The following ADRA1D variants were observed in gnomAD, a reference collection of about 807,000 sequenced individuals.
The protein encoded by ADRA1D is adrenoceptor alpha 1D.
In ADRA1D, 22 loss-of-function variants were observed where a neutral mutation model predicts 18.6. The observed-to-expected ratio is 1.19, with a 90% CI of 0.85 to 1.69. ADRA1D has a LOEUF of 1.69. ADRA1D is among the 40% of genes most tolerant of loss of function. The pLI, the probability that ADRA1D is intolerant of heterozygous loss-of-function variation, is 0.00. For missense variants in ADRA1D, 840 were observed against 840.7 expected (o/e 1.00, Z 0.01); for synonymous variants, 376 against 388.2 (o/e 0.97, Z 0.37).
At position 4,248,991 on chromosome 20, in the gene ADRA1D, C is replaced by A. The variant is rs1223915618; in HGVS notation, c.-34G>T. 1 of 1,291,724 alleles carries A rather than the reference C, an allele frequency of 7.7e-7. No individual in the cohort carries two copies. Among genetic ancestry groups the A allele is most frequent in the Admixed American group, 3.3e-5 (1 of 30,396 alleles). 80.0% of individuals were successfully genotyped at this position (1,291,724 alleles called of 1,614,324 possible). The stretch of plus-strand genomic sequence containing the variant: ...GCGGCCGTCGGTGGCCGGGCCGGGG[C>A]ACAGAACGAGCGGCCGGCAGGGAGG... On this transcript the variant is annotated 5_prime_UTR_variant, in exon 1 of 2. Transcript: ENST00000379453.
Position 4,248,078 on chromosome 20 carries a change from G to C in ADRA1D, c.880C>G (p.Arg294Gly). 6.4e-7 allele frequency: 1 copy of C among 1,551,956 alleles called. No individual in the cohort carries two copies. The highest frequency in any genetic ancestry group is 8.7e-7 in the Non-Finnish European group (1 of 1,148,048). The change falls in exon 1 of 2, where the codon CGC (arginine) becomes GGC (glycine). Residue 294 changes from arginine to glycine, a missense_variant. By Grantham distance (125) the Arg-to-Gly change is moderately radical. Coordinates refer to ENST00000379453, the MANE Select transcript of ADRA1D (RefSeq NM_000678.4). ...TTRSLEAGVK[R>G]ERGKASEVVL... ...ACCTCGGAGGCCTTGCCTCGCTCGC[G>C]CTTGACGCCCGCCTCGAGGCTGCGC...
intron 1 of ADRA1D, among the ~76,000 whole-genome samples, chr20:4,232,572 A>ACTCCTG (rs1980996097): frequency 6.6e-6 from 1 of 151,768 alleles, no homozygotes; most frequent in African/African-American, 2.4e-5. Flanking sequence ...ATGACCCCAA[A>ACTCCTG]CTCCTGGGAG....
rs528625319 is a variant in ADRA1D at position 4,229,590 on chromosome 20, C to T, written c.1112-7460G>A. On this transcript the variant is annotated intron_variant, in intron 1 of 1. Coordinates refer to ENST00000379453, the MANE Select transcript of ADRA1D (RefSeq NM_000678.4). ...GGGAGGAACATTCCAGCAGAGGAAA[C>T]GGCAAGTGCAAAGGCCCTGAGGTGG... Among the ~76,000 whole-genome samples the T allele has an allele frequency of 3.9e-5, 6 of 152,104 alleles. No homozygotes were observed. The South Asian group carries it at 8.3e-4, about 21-fold the overall frequency.
intron 1 of ADRA1D, among the ~76,000 whole-genome samples, chr20:4,228,866 C>G (rs1980883371): frequency 6.6e-6 from 1 of 152,210 alleles, no homozygotes; most frequent in African/African-American, 2.4e-5. Context: ...TTGCTGGCTC[C>G]CTGGCCACCA....
rs58687402 is a variant in ADRA1D at position 4,231,267 on chromosome 20, G to GTTATTATTATTATTATTATTA, written c.1112-9158_1112-9138dup. 7.5e-3 allele frequency among the ~76,000 whole-genome samples: 1,048 copies of GTTATTATTATTATTATTATTA among 138,890 alleles called. 9 individuals are homozygous for GTTATTATTATTATTATTATTA. Among genetic ancestry groups the GTTATTATTATTATTATTATTA allele is most frequent in the East Asian group, 0.024 (114 of 4,688 alleles). 91.1% of individuals were successfully genotyped at this position (138,890 alleles called of 152,430 possible). A position where few individuals can be genotyped will look rare whatever the true frequency, so the allele number is the denominator to read the frequency against. On this transcript the variant is annotated intron_variant, in intron 1 of 1. Coordinates refer to ENST00000379453, the MANE Select transcript of ADRA1D (RefSeq NM_000678.4). ...CATGTGCCACTACACCTGGCTAATT[G>GTTATTATTATTATTATTATTA]TTATTATTATTATTATTATTATTAT...
rs1056705411 is a variant in ADRA1D at position 4,248,238 on chromosome 20, G to A, written c.720C>T (p.Pro240=). The change falls in exon 1 of 2, where the codon CCC becomes CCT. Residue 240 remains proline, a synonymous_variant. Transcript: ENST00000379453. ...GPLLGWKEPV[P]PDERFCGITE... is the part of the protein sequence containing the mutation. ...TGATACCGCAGAAGCGCTCGTCAGG[G>A]GGCACGGGCTCCTTCCAGCCCAGCA... The A allele has an allele frequency of 6.2e-7, 1 of 1,604,666 alleles. No homozygotes were observed. The highest frequency in any genetic ancestry group is 8.5e-7 in the Non-Finnish European group (1 of 1,176,032).
intron 1 of ADRA1D, among the ~76,000 whole-genome samples, chr20:4,225,892 G>C (rs1257381097): frequency 6.6e-6 from 1 of 152,154 alleles, no homozygotes; most frequent in Non-Finnish European, 1.5e-5. Context: ...TATTTTCCCC[G>C]GGAGAGAGGT....
At chr20:4,234,236 G>A (rs188549946) in intron 1 of ADRA1D, among the ~76,000 whole-genome samples, 44 of 152,330 alleles carry the variant, frequency 2.9e-4, no homozygotes, top group Admixed American at 2.2e-3. Flanking sequence ...CTAAGGCAGG[G>A]AGGGACATGG....
intron 1 of ADRA1D, among the ~76,000 whole-genome samples, chr20:4,225,668 A>G (rs1282332533): frequency 6.6e-6 from 1 of 151,806 alleles, no homozygotes; most frequent in Non-Finnish European, 1.5e-5. Context: ...CGCCTGCCTC[A>G]GCCTCCCAAA....
intron 1 of ADRA1D, among the ~76,000 whole-genome samples, chr20:4,231,873 C>G (rs961749148): frequency 2.0e-5 from 3 of 152,102 alleles, no homozygotes; most frequent in African/African-American, 7.2e-5. Context: ...TGGCAGCTGC[C>G]CCACCAGCAG....
chr20:4,237,070 TG>T (rs1368391395), intron 1 of ADRA1D, among the ~76,000 whole-genome samples: 1 of 152,050 alleles, frequency 6.6e-6, no homozygotes, highest in African/African-American at 2.4e-5. Flanking sequence ...GACTTGGGGC[TG>T]GAGCTGAAGA....
intron 1 of ADRA1D, among the ~76,000 whole-genome samples, chr20:4,224,258 G>T (rs1243147635): frequency 6.6e-6 from 1 of 152,136 alleles, no homozygotes; most frequent in Non-Finnish European, 1.5e-5. Context: ...CTGTTGAAAT[G>T]CAGGGCAATG....
intron 1 of ADRA1D, among the ~76,000 whole-genome samples, chr20:4,245,104 T>C (rs746702943): frequency 2.0e-5 from 3 of 151,996 alleles, no homozygotes; most frequent in Non-Finnish European, 4.4e-5. Context: ...GAAGAGGGAG[T>C]CACGTGACGT....
At chr20:4,227,719 CTT>C (rs1980848029) in intron 1 of ADRA1D, among the ~76,000 whole-genome samples, 1 of 113,534 alleles carries the variant, frequency 8.8e-6, no homozygotes, top group African/African-American at 3.3e-5. Flanking sequence ...TCCTTCCTTC[CTT>C]CCTTCCTTCC....
At position 4,224,277 on chromosome 20, in the gene ADRA1D, C is replaced by T. The variant is rs1980740739; in HGVS notation, c.1112-2147G>A. On this transcript the variant is annotated intron_variant, in intron 1 of 1. Coordinates refer to ENST00000379453, the MANE Select transcript of ADRA1D (RefSeq NM_000678.4). ...TGAAATGCAGGGCAATGGGGCTGTTCCAGTGGAAGTGGTCAGGAAAGGCTT... is the reference window on the plus strand; with the variant it reads ...TGAAATGCAGGGCAATGGGGCTGTTTCAGTGGAAGTGGTCAGGAAAGGCTT... 2.0e-5 allele frequency among the ~76,000 whole-genome samples: 3 copies of T among 152,042 alleles called. No individual in the cohort carries two copies. The South Asian group carries it at 6.2e-4, about 31-fold the overall frequency.
chr20:4,238,607 G>A (rs912430563), intron 1 of ADRA1D, among the ~76,000 whole-genome samples: 9 of 152,210 alleles, frequency 5.9e-5, no homozygotes, highest in African/African-American at 1.9e-4. Context: ...GGGCTGCCTC[G>A]AGGCAGCAGC....
chr20:4,247,794 C>A, intron 1 of ADRA1D, 53 bp downstream of exon 1: 1 of 1,431,522 alleles, frequency 7.0e-7, no homozygotes, highest in Non-Finnish European at 9.1e-7. Context: ...CAGGAGGGCA[C>A]CGCCATAGGC....
At position 4,248,020 on chromosome 20, in the gene ADRA1D, G is replaced by A. The variant is rs201037962; in HGVS notation, c.938C>T (p.Thr313Met). 2 of 1,555,076 alleles carry A rather than the reference G, an allele frequency of 1.3e-6. No individual in the cohort carries two copies. Among genetic ancestry groups the A allele is most frequent in the South Asian group, 1.2e-5 (1 of 84,700 alleles). The change falls in exon 1 of 2, where the codon ACG (threonine) becomes ATG (methionine). Residue 313 changes from threonine to methionine, a missense_variant. By Grantham distance (81) the Thr-to-Met change is moderately conservative. Coordinates refer to ENST00000379453, the MANE Select transcript of ADRA1D (RefSeq NM_000678.4). Reference protein sequence around the residue: ...VLRIHCRGAATGADGAHGMRS... With the variant: ...VLRIHCRGAAMGADGAHGMRS... The stretch of plus-strand genomic sequence containing the variant: ...CATGCCGTGCGCCCCGTCGGCGCCC[G>A]TGGCCGCGCCGCGACAGTGGATGCG...
At chr20:4,225,420 T>C (rs835876) in intron 1 of ADRA1D, among the ~76,000 whole-genome samples, 10,282 of 116,212 alleles carry the variant, frequency 0.088, 1,018 homozygotes, top group African/African-American at 0.26. Flanking sequence ...TTACTTTTTT[T>C]TTTCTTTCTT....
Sources: allele counts gnomAD v4.1 joint callset (sites outside exome capture counted in the v4.1 genomes callset), GRCh38; gene constraint gnomAD v4.1.1; transcripts MANE v1.5; gene names NCBI Gene and HGNC (gene_info 2026-07-23, HGNC 2026-07-21).